SLC9B1: variants seen among roughly 807,000 people sequenced by gnomAD.
SLC9B1 encodes solute carrier family 9 member B1, also known as sodium/hydrogen exchanger 9B1.
SLC9B1 carries 32 observed loss-of-function variants against 51.7 expected under a neutral mutation model. The observed-to-expected ratio is 0.62, with a 90% CI of 0.47 to 0.83. The LOEUF (loss-of-function observed/expected upper bound fraction) is 0.83. SLC9B1 is among the 40% of genes least tolerant of loss of function. The probability of loss-of-function intolerance (pLI) is 0.00; values close to 1 mark genes in which losing one functional copy is unlikely to be tolerated. For synonymous variants in SLC9B1, 145 were observed against 212.7 expected, an observed-to-expected ratio of 0.68 and a Z score of 2.77; for missense variants, 406 against 613.2, an observed-to-expected ratio of 0.66 and a Z score of 3.57.
intron 6 of SLC9B1, among the ~76,000 whole-genome samples, chr4:102,937,496 G>A (rs1442527503): frequency 6.7e-6 from 1 of 150,108 alleles, no homozygotes; most frequent in Non-Finnish European, 1.5e-5. Flanking sequence ...GGAGGCTGAG[G>A]GGGGTGGATC....
At chr4:102,915,239 G>A (rs1173609113) in intron 7 of SLC9B1, among the ~76,000 whole-genome samples, 2 of 152,152 alleles carry the variant, frequency 1.3e-5, no homozygotes, top group East Asian at 1.9e-4. Flanking sequence ...TACAAAAAAT[G>A]TTAAAGGGAG....
chr4:102,966,855 T>C (rs1375163890), intron 3 of SLC9B1, among the ~76,000 whole-genome samples: 1 of 152,244 alleles, frequency 6.6e-6, no homozygotes, highest in Non-Finnish European at 1.5e-5. Flanking sequence ...CAAATTTTTA[T>C]GCTTGCTTCC....
downstream of SLC9B1, among the ~76,000 whole-genome samples, chr4:102,899,297 A>T (rs1734679093): frequency 6.6e-6 from 1 of 151,076 alleles, no homozygotes; most frequent in Non-Finnish European, 1.5e-5. Flanking sequence ...AATCAATAAC[A>T]CAATTCCTCA....
chr4:102,920,048 G>C (rs1735785035), intron 7 of SLC9B1, among the ~76,000 whole-genome samples: 11 of 152,348 alleles, frequency 7.2e-5, no homozygotes, highest in Admixed American at 7.2e-4. Context: ...AGAGAGCAGT[G>C]GTTTTCCCAG....
chr4:102,913,776 A>G (rs144036390), intron 7 of SLC9B1, among the ~76,000 whole-genome samples: 2,083 of 146,568 alleles, frequency 0.014, 57 homozygotes, highest in African/African-American at 0.047. Context: ...AAATGAAAAT[A>G]TTAACAAAGA....
chr4:102,964,168 A>C (rs1310461216), intron 3 of SLC9B1, among the ~76,000 whole-genome samples: 1 of 152,106 alleles, frequency 6.6e-6, no homozygotes, highest in African/African-American at 2.4e-5. Flanking sequence ...ATAGCATAAT[A>C]ACTTTAAGGC....
chr4:102,974,242 G>GAAAAAAAAAAAAAA lies in SLC9B1; in HGVS notation c.211+15544_211+15557dup, dbSNP rs141412944. ...ACAGAGCAAGACTCTGTCTAAAATT[G>GAAAAAAAAAAAAAA]AAAAAAAAAAAAAAAAAAAAAAAAT... is the stretch of plus-strand genomic sequence containing the variant. On this transcript the variant is annotated intron_variant, in intron 3 of 11. Coordinates refer to ENST00000296422, the MANE Select transcript of SLC9B1 (RefSeq NM_139173.4). 2.2e-4 allele frequency among the ~76,000 whole-genome samples: 12 copies of GAAAAAAAAAAAAAA among 53,448 alleles called. 2 individuals carry two copies. The highest frequency in any genetic ancestry group is 6.0e-4 in the Admixed American group (2 of 3,328). 35.1% of individuals were successfully genotyped at this position (53,448 alleles called of 152,430 possible).
intron 3 of SLC9B1, among the ~76,000 whole-genome samples, chr4:102,955,019 AG>A (rs1737710501): frequency 6.6e-6 from 1 of 152,320 alleles, no homozygotes; most frequent in South Asian, 2.1e-4. Context: ...AAAAAGTGTT[AG>A]GGTTTTGGGT....
At chr4:102,991,540 A>T (rs1739938280) in intron 2 of SLC9B1, 103 bp downstream of exon 2, 2 of 725,130 alleles carry the variant, frequency 2.8e-6, no homozygotes, top group East Asian at 3.1e-5. Flanking sequence ...TTCATTTTTA[A>T]CCAGATATAT....
intron 3 of SLC9B1, among the ~76,000 whole-genome samples, chr4:102,950,971 G>A (rs1422080585): frequency 6.6e-6 from 1 of 152,126 alleles, no homozygotes; most frequent in Non-Finnish European, 1.5e-5. Context: ...CTCCAGCCTA[G>A]GTAACAAGAG....
chr4:102,950,849 G>A (rs1235289851), intron 3 of SLC9B1, among the ~76,000 whole-genome samples: 1 of 152,114 alleles, frequency 6.6e-6, no homozygotes, highest in South Asian at 2.1e-4. Flanking sequence ...CAAACAATTA[G>A]CCTGGCCTGT....
chr4:102,932,505 G>A (rs1333522840), intron 6 of SLC9B1, among the ~76,000 whole-genome samples: 1 of 152,144 alleles, frequency 6.6e-6, no homozygotes, highest in East Asian at 1.9e-4. Context: ...AAAATGTTGG[G>A]CTGAACACAG....
intron 11 of SLC9B1, among the ~76,000 whole-genome samples, chr4:102,894,629 A>T (rs1284517826): frequency 6.6e-6 from 1 of 152,204 alleles, no homozygotes; most frequent in Non-Finnish European, 1.5e-5. Context: ...TATAAGAAAA[A>T]AACTATAAAA....
chr4:102,971,264 A>T (rs1480354228), intron 3 of SLC9B1, among the ~76,000 whole-genome samples: 1 of 152,228 alleles, frequency 6.6e-6, no homozygotes, highest in Non-Finnish European at 1.5e-5. Context: ...CAAATGTAAA[A>T]GAACAGAAAT....
chr4:102,933,219 C>T (rs566855991), intron 6 of SLC9B1, among the ~76,000 whole-genome samples: 2 of 152,306 alleles, frequency 1.3e-5, no homozygotes, highest in African/African-American at 2.4e-5. Context: ...CAAGCACCTA[C>T]CTGGGAATAC....
intron 3 of SLC9B1, among the ~76,000 whole-genome samples, chr4:102,966,895 T>C (rs1738458999): frequency 6.6e-6 from 1 of 152,242 alleles, no homozygotes; most frequent in South Asian, 2.1e-4. Context: ...CTGAATGTAG[T>C]AAGAAGTAAC....
chr4:102,938,663 C>G (rs752893078), intron 6 of SLC9B1, among the ~76,000 whole-genome samples: 28 of 152,214 alleles, frequency 1.8e-4, no homozygotes, highest in Non-Finnish European at 3.5e-4. Flanking sequence ...CCCCTGAAAT[C>G]AGGCCAACCA....
intron 1 of SLC9B1, among the ~76,000 whole-genome samples, chr4:103,008,778 C>T (rs1160216889): frequency 6.8e-6 from 1 of 147,156 alleles, no homozygotes; most frequent in Non-Finnish European, 1.5e-5. Context: ...CTTAGATGAT[C>T]TAAGGGCTTT....
intron 11 of SLC9B1, chr4:102,885,508 G>T (rs1047756460): frequency 6.2e-6 from 7 of 1,121,238 alleles, no homozygotes; most frequent in Non-Finnish European, 9.4e-6. Context: ...CAGTTTTGAA[G>T]TTCTTTAAGA....
Sources: gnomAD v4.1 joint callset for allele counts (sites outside exome capture counted in the v4.1 genomes callset) on GRCh38, gnomAD v4.1.1 for gene constraint, MANE v1.5 for transcripts, NCBI Gene and HGNC (gene_info 2026-07-23, HGNC 2026-07-21) for gene names.